The following USO1 variants were observed in gnomAD, a reference collection of about 807,000 sequenced individuals.
USO1 encodes general vesicular transport factor p115.
USO1 carries 57 observed loss-of-function variants against 124.5 expected under a neutral mutation model. The ratio of observed to expected loss-of-function variants is 0.46; its 90% confidence interval spans 0.37 to 0.57. The LOEUF is 0.57. Ranked by LOEUF, USO1 falls within the 20% of genes least tolerant of loss-of-function variation. USO1 has a pLI of 0.00. For synonymous variants in USO1, 369 were observed against 362.8 expected (o/e 1.02, Z -0.19); for missense variants, 900 against 1,040.6 (o/e 0.86, Z 1.86).
intron 1 of USO1, chr4:75,730,000 G>T: frequency 2.8e-6 from 1 of 357,748 alleles, no homozygotes; most frequent in South Asian, 2.1e-5. Context: ...TCCTATTTGG[G>T]TTGATGTATT....
At chr4:75,802,110 G>A (rs1722868647) in intron 17 of USO1, among the ~76,000 whole-genome samples, 2 of 152,174 alleles carry the variant, frequency 1.3e-5, no homozygotes, top group African/African-American at 2.4e-5. Flanking sequence ...GCATAAGCCA[G>A]CGCGCCCAGC....
rs140512977 is a variant in USO1, at chr4:75,733,924, T to G, written c.66+9039T>G. Reference sequence around the variant, plus strand: ...ATGTCCAGGATGATATCTCCTAGATTTTCTTCGAGGATTTTTTTTTTTTTT... The same window carrying G: ...ATGTCCAGGATGATATCTCCTAGATGTTCTTCGAGGATTTTTTTTTTTTTT... On this transcript the variant is annotated intron_variant, in intron 1 of 23. Transcript: ENST00000514213. 7.2e-3 allele frequency among the ~76,000 whole-genome samples: 1,088 copies of G among 150,176 alleles called. 19 individuals carry two copies. The highest frequency in any genetic ancestry group is 0.026 in the African/African-American group (1,047 of 40,986).
chr4:75,768,633 CT>C (rs1721836729), intron 4 of USO1, among the ~76,000 whole-genome samples: 1 of 152,080 alleles, frequency 6.6e-6, no homozygotes, highest in Non-Finnish European at 1.5e-5. Flanking sequence ...TTTTTCCTGC[CT>C]TATGGCACTG....
chr4:75,742,980 C>T (rs542169532), intron 1 of USO1, among the ~76,000 whole-genome samples: 6 of 149,634 alleles, frequency 4.0e-5, no homozygotes, highest in African/African-American at 1.5e-4. Context: ...AGTGAATAAG[C>T]ATATCTTTTT....
chr4:75,738,037 G>T (rs564724706), intron 1 of USO1, among the ~76,000 whole-genome samples: 22 of 151,886 alleles, frequency 1.4e-4, no homozygotes, highest in African/African-American at 5.1e-4. Flanking sequence ...GTTTCACCAT[G>T]TTGGCCAGGC....
In USO1 at chr4:75,805,281, A is replaced by G; in HGVS notation, c.2267A>G (p.Lys756Arg). 6.2e-7 allele frequency: 1 copy of G among 1,607,816 alleles called. No homozygotes were observed. Among genetic ancestry groups the G allele is most frequent in the Non-Finnish European group, 8.5e-7 (1 of 1,177,608 alleles). ...CTTTTACAAAGCCAGCTGACTGAAA[A>G]GGACTCTATGATTGAAAATATGGTA... ...QELLQSQLTEKDSMIENMKSS... is the reference protein window; with the variant it reads ...QELLQSQLTERDSMIENMKSS... The change falls in exon 19 of 24, where the codon AAG (lysine) becomes AGG (arginine). Residue 756 changes from lysine (K) to arginine (R), a missense_variant. Transcript: ENST00000514213.
At chr4:75,791,886 G>GA (rs1226335033) in intron 12 of USO1, among the ~76,000 whole-genome samples, 2 of 152,112 alleles carry the variant, frequency 1.3e-5, no homozygotes, top group East Asian at 1.9e-4. Context: ...TGATCAAAAT[G>GA]TGGCATTTCC....
intron 1 of USO1, among the ~76,000 whole-genome samples, chr4:75,732,876 T>TTAAAAA (rs71657376): frequency 2.1e-5 from 1 of 48,182 alleles, no homozygotes; most frequent in Non-Finnish European, 3.3e-5. Flanking sequence ...AGATTCCATC[T>TTAAAAA]AAAAAAAAAA....
intron 22 of USO1, among the ~76,000 whole-genome samples, 188 bp downstream of exon 22, chr4:75,810,727 TTTTTG>T (rs908155905): frequency 1.2e-4 from 18 of 152,102 alleles, no homozygotes; most frequent in Admixed American, 9.8e-4. Context: ...GTTTTGGGTT[TTTTTG>T]TTTTGTTTTG....
At chr4:75,767,081 CT>C (rs1479631252) in intron 4 of USO1, among the ~76,000 whole-genome samples, 1 of 152,116 alleles carries the variant, frequency 6.6e-6, no homozygotes, top group Non-Finnish European at 1.5e-5. Context: ...GGCTTTCTTC[CT>C]TTTTCATTGG....
At chr4:75,759,949 C>T (rs1375375499) in intron 4 of USO1, among the ~76,000 whole-genome samples, 5 of 151,440 alleles carry the variant, frequency 3.3e-5, no homozygotes, top group African/African-American at 7.3e-5. Context: ...TGGTGGCTCA[C>T]GCCTGTAATT....
At chr4:75,753,390 C>G (rs1283656394) in intron 3 of USO1, among the ~76,000 whole-genome samples, 2 of 151,946 alleles carry the variant, frequency 1.3e-5, no homozygotes. Flanking sequence ...AAAAATTAGC[C>G]AGGCCTGGTG....
At chr4:75,804,402 C>T (rs1374620770) in intron 18 of USO1, 130 bp downstream of exon 18, 4 of 1,375,872 alleles carry the variant, frequency 2.9e-6, no homozygotes, top group Non-Finnish European at 3.8e-6. Context: ...AAATGTAAAT[C>T]GGAGTTTAAA....
In USO1 at chr4:75,804,200, A is replaced by G. The variant is rs1722931015; in HGVS notation, c.2053A>G (p.Thr685Ala). 4 of 1,613,726 alleles carry G rather than the reference A, an allele frequency of 2.5e-6. No homozygotes were observed. The highest frequency in any genetic ancestry group is 2.2e-5 in the East Asian group (1 of 44,842). Residue 685 changes from threonine to alanine, a missense_variant, in exon 18 of 24, where the codon ACG becomes GCG. By Grantham distance (58) the Thr-to-Ala change is moderately conservative. Around this residue, in one of 2 missense-constraint regions of USO1, gnomAD observed 362 missense variants for 359.0 expected, o/e 1.01. Coordinates refer to ENST00000514213, the MANE Select transcript of USO1 (RefSeq NM_003715.4). ...AAAATGTCAAAATGAACAGCTCCAGACGGCAGTCACACAGCAAGTATCACA... is the reference window on the plus strand; with the variant it reads ...AAAATGTCAAAATGAACAGCTCCAGGCGGCAGTCACACAGCAAGTATCACA... ...TLKCQNEQLQTAVTQQVSQIQ... is the reference protein window; with the variant it reads ...TLKCQNEQLQAAVTQQVSQIQ...
intron 1 of USO1, among the ~76,000 whole-genome samples, chr4:75,733,754 C>T (rs1358814918): frequency 6.6e-6 from 1 of 151,938 alleles, no homozygotes; most frequent in African/African-American, 2.4e-5. Context: ...ATGTTTTCTC[C>T]CAGGTTATAA....
chr4:75,742,969 A>G lies in USO1; in HGVS notation c.67-9404A>G, dbSNP rs116207484. Among the ~76,000 whole-genome samples the G allele has an allele frequency of 5.7e-3, 864 of 151,974 alleles. 16 individuals carry two copies. Among genetic ancestry groups the G allele is most frequent in the African/African-American group, 0.02 (811 of 41,426 alleles). On this transcript the variant is annotated intron_variant, in intron 1 of 23. Coordinates refer to ENST00000514213, the MANE Select transcript of USO1 (RefSeq NM_003715.4). ...GCCTGCTTCAGGATCCCATCTGGGA[A>G]AGTGAATAAGCATATCTTTTTTTTT...
intron 22 of USO1, among the ~76,000 whole-genome samples, chr4:75,811,027 G>A (rs542539240): frequency 3.3e-5 from 5 of 152,054 alleles, no homozygotes; most frequent in East Asian, 1.9e-4. Context: ...GTGAGCTGCC[G>A]CACCCAGCCA....
chr4:75,725,170 A>C (rs1720377591), intron 1 of USO1, among the ~76,000 whole-genome samples: 1 of 152,168 alleles, frequency 6.6e-6, no homozygotes, highest in African/African-American at 2.4e-5. Flanking sequence ...GTGGTACCGC[A>C]CGGGAAGGGA....
In USO1 at chr4:75,774,783, G is replaced by C. The variant is rs990758878; in HGVS notation, c.663G>C (p.Gly221=). Residue 221 remains glycine (G), a synonymous_variant, in exon 8 of 24, where the codon GGG becomes GGC. Transcript: ENST00000514213. ...ERLLDIISEE[G]NSDGGIVVED... ...TACTGGACATTATTTCAGAGGAGGG[G>C]AACAGTGATGGAGGTATAGTATGAA... is the stretch of plus-strand genomic sequence containing the variant. The C allele has an allele frequency of 1.4e-5, 23 of 1,613,394 alleles. No individual in the cohort carries two copies. Among genetic ancestry groups the C allele is most frequent in the Non-Finnish European group, 1.9e-5 (22 of 1,179,636 alleles).
Sources: gnomAD v4.1 joint callset for allele counts (sites outside exome capture counted in the v4.1 genomes callset) on GRCh38, gnomAD v4.1.1 for gene constraint, gnomAD v4.1.1 regional missense constraint, MANE v1.5 for transcripts, NCBI Gene and HGNC (gene_info 2026-07-23, HGNC 2026-07-21) for gene names.